Variants in THOC2 observed in about 807,000 individuals in gnomAD.
THOC2 encodes the protein THO complex subunit 2.
Under a neutral mutation model 128.4 loss-of-function variants are expected in THOC2, and 10 were observed. The observed-to-expected ratio is 0.08, with a 90% CI of 0.05 to 0.13. The LOEUF is 0.13. THOC2 is among the 10% of genes least tolerant of loss of function. THOC2 has a pLI of 1.00. For synonymous variants in THOC2, 393 were observed against 396.9 expected, an observed-to-expected ratio of 0.99 and a Z score of 0.12; for missense variants, 535 against 1,155.7, an observed-to-expected ratio of 0.46 and a Z score of 7.79.
At chrX:123,622,095 T>C (rs1056519821) in intron 30 of THOC2, among the ~76,000 whole-genome samples, 11 of 111,624 alleles carry the variant, frequency 9.9e-5, no homozygotes, top group Middle Eastern at 4.7e-3. Context: ...AATTCATTAA[T>C]TGCAGATTTA....
intron 1 of THOC2, among the ~76,000 whole-genome samples, chrX:123,718,553 A>C (rs954364196): frequency 9.0e-6 from 1 of 111,607 alleles, no homozygotes; most frequent in Non-Finnish European, 1.9e-5. Context: ...TGAGGTCAGA[A>C]GTTCAAGACA....
chrX:123,664,400 C>A (rs927286518), intron 12 of THOC2, among the ~76,000 whole-genome samples: 15 of 112,309 alleles, frequency 1.3e-4, no homozygotes, highest in African/African-American at 4.5e-4. Flanking sequence ...AAAGAAACTA[C>A]CATCAGAGTG....
intron 38 of THOC2, among the ~76,000 whole-genome samples, chrX:123,606,274 CAA>C (rs774551996): frequency 1.5e-4 from 6 of 41,367 alleles, no homozygotes; most frequent in Non-Finnish European, 1.1e-4. Context: ...CTCGTCTCTA[CAA>C]AAAAAAAAAA....
At chrX:123,690,048 A>G (rs1458428211) in intron 7 of THOC2, among the ~76,000 whole-genome samples, 1 of 111,577 alleles carries the variant, frequency 9.0e-6, no homozygotes, top group Non-Finnish European at 1.9e-5. Context: ...AAACACACAC[A>G]CATATGCCTT....
intron 21 of THOC2, among the ~76,000 whole-genome samples, chrX:123,632,562 T>C (rs1403436110): frequency 1.8e-5 from 2 of 108,892 alleles, no homozygotes; most frequent in African/African-American, 3.3e-5. Flanking sequence ...GCATCTATTC[T>C]GTTATGACTG....
At chrX:123,653,024 A>T (rs1348730509) in intron 12 of THOC2, among the ~76,000 whole-genome samples, 1 of 111,920 alleles carries the variant, frequency 8.9e-6, no homozygotes, top group East Asian at 2.8e-4. Context: ...TTCAAACTAT[A>T]CTACAAGGCT....
At chrX:123,711,376 C>T (rs930981062) in intron 2 of THOC2, among the ~76,000 whole-genome samples, 1 of 109,908 alleles carries the variant, frequency 9.1e-6, no homozygotes, top group Admixed American at 9.8e-5. Context: ...CAAGGTGGCT[C>T]ATGACAGTAA....
At chrX:123,720,285 A>C (rs1425763863) in intron 1 of THOC2, among the ~76,000 whole-genome samples, 1 of 110,282 alleles carries the variant, frequency 9.1e-6, no homozygotes, top group Non-Finnish European at 1.9e-5. Flanking sequence ...ATCTCTACAA[A>C]AAAAATTTAA....
Position 123,625,904 on chromosome X carries a change from A to G in THOC2, c.3057+8T>C. Reference sequence around the variant, plus strand: ...GAGAACTTTTTAAAGGTTGCAATAAAAACTTACTCGATCATAGCAAAGAAG... The same window carrying G: ...GAGAACTTTTTAAAGGTTGCAATAAGAACTTACTCGATCATAGCAAAGAAG... On this transcript the variant is annotated splice_region_variant and intron_variant, in intron 25 of 38. Coordinates refer to ENST00000245838, the MANE Select transcript of THOC2 (RefSeq NM_001081550.2). The G allele has an allele frequency of 8.3e-7, 1 of 1,204,322 alleles. No individual in the cohort carries two copies. Among genetic ancestry groups the G allele is most frequent in the Non-Finnish European group, 1.1e-6 (1 of 892,451 alleles).
chrX:123,614,118 G>A lies in THOC2; in HGVS notation c.4383C>T (p.Asp1461=). 1.7e-6 allele frequency: 2 copies of A among 1,202,781 alleles called. No homozygotes were observed. Among genetic ancestry groups the A allele is most frequent in the South Asian group, 1.8e-5 (1 of 56,252 alleles). Residue 1461 remains aspartate (D), a synonymous_variant, in exon 34 of 39, where the codon GAC becomes GAT. Coordinates refer to ENST00000245838, the MANE Select transcript of THOC2 (RefSeq NM_001081550.2). ...TTTCTCTGGATCTTTCCCTTGACTT[G>A]TCCAAATCTTTCTTGTCCATTTCTC... ...KEREMDKKDL[D]KSRERSRERE...
At chrX:123,691,392 T>C (rs1044708070) in intron 7 of THOC2, among the ~76,000 whole-genome samples, 2 of 111,479 alleles carry the variant, frequency 1.8e-5, no homozygotes, top group East Asian at 2.8e-4. Context: ...AGGAAAAAGG[T>C]GGCACAATAA....
chrX:123,629,202 C>T (rs1163891680), intron 22 of THOC2, among the ~76,000 whole-genome samples: 4 of 72,850 alleles, frequency 5.5e-5, no homozygotes, highest in Non-Finnish European at 5.0e-5. Context: ...ATATATTATA[C>T]ATGAACACAC....
At chrX:123,708,602 G>A (rs1020460913) in intron 2 of THOC2, among the ~76,000 whole-genome samples, 2 of 110,191 alleles carry the variant, frequency 1.8e-5, no homozygotes, top group African/African-American at 3.3e-5. Context: ...GTACTCATAG[G>A]GGACCAGGGA....
At position 123,661,559 on chromosome X, in the gene THOC2, G is replaced by A. The variant is rs144699429; in HGVS notation, c.1386+4083C>T. The stretch of plus-strand genomic sequence containing the variant: ...GGTACAAATATGCAGTTAGATCGAT[G>A]GAATGAATTCCAATGTTCAATAGCA... On this transcript the variant is annotated intron_variant, in intron 12 of 38. Transcript: ENST00000245838. Among the ~76,000 whole-genome samples the A allele has an allele frequency of 4.7e-3, 520 of 110,907 alleles. 4 individuals carry two copies. Among genetic ancestry groups the A allele is most frequent in the African/African-American group, 0.016 (480 of 30,524 alleles).
chrX:123,671,559 C>A, intron 9 of THOC2, 110 bp downstream of exon 9: 1 of 384,555 alleles, frequency 2.6e-6, no homozygotes, highest in Non-Finnish European at 4.6e-6. Context: ...AAGAGTGAGA[C>A]TTGAGAACCT....
intron 7 of THOC2, among the ~76,000 whole-genome samples, chrX:123,694,752 A>G (rs1200540750): frequency 8.9e-6 from 1 of 112,284 alleles, no homozygotes; most frequent in East Asian, 2.8e-4. Flanking sequence ...TTGGTGTTAA[A>G]TTGACAACTG....
intron 1 of THOC2, among the ~76,000 whole-genome samples, chrX:123,722,661 AC>A (rs1282840528): frequency 9.1e-6 from 1 of 110,384 alleles, no homozygotes; most frequent in Non-Finnish European, 1.9e-5. Context: ...GGTGCAGCAA[AC>A]CACCATGGCA....
chrX:123,722,522 AACACATGG>A (rs1275448669), intron 1 of THOC2, among the ~76,000 whole-genome samples: 1 of 110,390 alleles, frequency 9.1e-6, no homozygotes. Context: ...GAACAATGAG[AACACATGG>A]ACACAGGGAC....
chrX:123,609,344 C>A (rs1367301071), intron 38 of THOC2, among the ~76,000 whole-genome samples: 1 of 111,927 alleles, frequency 8.9e-6, no homozygotes, highest in African/African-American at 3.3e-5. Context: ...TTTTATAACT[C>A]TCATTTACCC....
Sources: allele counts gnomAD v4.1 joint callset (sites outside exome capture counted in the v4.1 genomes callset), GRCh38; gene constraint gnomAD v4.1.1; transcripts MANE v1.5; gene names NCBI Gene and HGNC (gene_info 2026-07-23, HGNC 2026-07-21).